Variants in WWOX observed in about 807,000 individuals in gnomAD.
WWOX encodes the protein WW domain-containing oxidoreductase.
Under a neutral mutation model 46.2 loss-of-function variants are expected in WWOX, and 69 were observed. The ratio of observed to expected loss-of-function variants is 1.49; its 90% CI spans 1.23 to 1.82. WWOX has a LOEUF of 1.82. Ranked by LOEUF, WWOX falls within the 40% of genes most tolerant of loss-of-function variation. The pLI, the probability that WWOX is intolerant of heterozygous loss-of-function variation, is 0.00. For synonymous variants in WWOX, 359 were observed against 202.6 expected (o/e 1.77, Z -6.56); for missense variants, 919 against 542.6 (o/e 1.69, Z -6.89).
chr16:78,645,333 C>T (rs2046814303), intron 8 of WWOX, among the ~76,000 whole-genome samples: 1 of 152,098 alleles, frequency 6.6e-6, no homozygotes, highest in Non-Finnish European at 1.5e-5. Flanking sequence ...CAAATGACCA[C>T]CCATGGGTGG....
chr16:79,116,628 A>G (rs1300093908), intron 8 of WWOX, among the ~76,000 whole-genome samples: 1 of 152,136 alleles, frequency 6.6e-6, no homozygotes, highest in Non-Finnish European at 1.5e-5. Context: ...TTCTCTTGCT[A>G]TTTCTACCAC....
At chr16:79,091,931 C>G (rs2048970166) in intron 8 of WWOX, among the ~76,000 whole-genome samples, 1 of 151,820 alleles carries the variant, frequency 6.6e-6, no homozygotes, top group African/African-American at 2.4e-5. Context: ...CAGGTGCATG[C>G]CACCACGCCC....
chr16:78,509,430 C>G (rs1227845097), intron 8 of WWOX, among the ~76,000 whole-genome samples: 2 of 112,150 alleles, frequency 1.8e-5, no homozygotes, highest in Non-Finnish European at 4.0e-5. Context: ...CAGAGCGAGA[C>G]TCAGTCTCAA....
chr16:78,701,670 C>G (rs2048221021), intron 8 of WWOX, among the ~76,000 whole-genome samples: 1 of 151,986 alleles, frequency 6.6e-6, no homozygotes, highest in Non-Finnish European at 1.5e-5. Flanking sequence ...AACCAAGAGT[C>G]TATGAGCTCG....
intron 6 of WWOX, among the ~76,000 whole-genome samples, chr16:78,419,232 T>C (rs1024837509): frequency 6.6e-6 from 1 of 152,158 alleles, no homozygotes; most frequent in African/African-American, 2.4e-5. Flanking sequence ...GTGTACAAAT[T>C]TAGTGCAATC....
intron 8 of WWOX, among the ~76,000 whole-genome samples, chr16:79,036,353 C>T (rs112716797): frequency 7.2e-5 from 11 of 152,348 alleles, no homozygotes; most frequent in African/African-American, 2.4e-4. Context: ...ATTCATTAGA[C>T]AGTACCCTTT....
At chr16:79,069,454 C>G (rs756102435) in intron 8 of WWOX, among the ~76,000 whole-genome samples, 11 of 151,972 alleles carry the variant, frequency 7.2e-5, no homozygotes, top group African/African-American at 2.4e-4. Flanking sequence ...CTTGTTCACA[C>G]GTTACTGTAG....
chr16:78,859,068 A>ATG (rs2052654678), intron 8 of WWOX, among the ~76,000 whole-genome samples: 1 of 125,438 alleles, frequency 8.0e-6, no homozygotes, highest in African/African-American at 3.0e-5. Context: ...ATATATATAT[A>ATG]TATATGAAAA....
chr16:78,167,139 C>T (rs2035000497), intron 5 of WWOX: 2 of 152,168 alleles, frequency 1.3e-5, no homozygotes, highest in African/African-American at 4.8e-5. Flanking sequence ...TTATCCTCTT[C>T]TTTTCTGAGA....
At chr16:78,822,031 C>A (rs1409681784) in intron 8 of WWOX, among the ~76,000 whole-genome samples, 1 of 152,154 alleles carries the variant, frequency 6.6e-6, no homozygotes, top group East Asian at 1.9e-4. Context: ...CATGCACCAC[C>A]ATGCCCAGCT....
intron 6 of WWOX, among the ~76,000 whole-genome samples, chr16:78,393,979 C>G (rs1269219644): frequency 6.6e-6 from 1 of 152,172 alleles, no homozygotes; most frequent in Non-Finnish European, 1.5e-5. Flanking sequence ...CTTGAATCTA[C>G]TAATCCCAGA....
intron 8 of WWOX, among the ~76,000 whole-genome samples, chr16:78,936,442 C>T (rs574779020): frequency 1.5e-4 from 23 of 152,274 alleles, no homozygotes; most frequent in Non-Finnish European, 2.9e-4. Flanking sequence ...GCTCTTTTCT[C>T]TGTAGGCTTA....
chr16:78,230,490 T>C (rs12918471), intron 5 of WWOX, among the ~76,000 whole-genome samples: 81,620 of 152,064 alleles, frequency 0.54, 22,326 homozygotes, highest in Admixed American at 0.67. Flanking sequence ...AAAAGTAAAC[T>C]AAAATTGCAT....
At chr16:78,173,503 G>T (rs1330137421) in intron 5 of WWOX, among the ~76,000 whole-genome samples, 1 of 146,044 alleles carries the variant, frequency 6.8e-6, no homozygotes, top group Non-Finnish European at 1.5e-5. Flanking sequence ...TCACCACGTT[G>T]CCCAGGCTAG....
intron 8 of WWOX, among the ~76,000 whole-genome samples, chr16:78,946,883 A>C (rs899120468): frequency 1.8e-4 from 28 of 152,266 alleles, no homozygotes; most frequent in African/African-American, 6.7e-4. Flanking sequence ...AGAGGACATC[A>C]CACGATGACC....
At chr16:78,125,409 A>G (rs2033318947) in intron 4 of WWOX, among the ~76,000 whole-genome samples, 1 of 152,120 alleles carries the variant, frequency 6.6e-6, no homozygotes, top group Non-Finnish European at 1.5e-5. Context: ...GCTCTTTCTA[A>G]GCAGCTCATT....
intron 5 of WWOX, among the ~76,000 whole-genome samples, chr16:78,221,425 A>T (rs2036885430): frequency 6.6e-6 from 1 of 152,208 alleles, no homozygotes. Context: ...TTAGTACGTT[A>T]CTTTAATTGT....
At chr16:78,165,810 T>C (rs2034952454) in intron 5 of WWOX, among the ~76,000 whole-genome samples, 1 of 152,256 alleles carries the variant, frequency 6.6e-6, no homozygotes, top group Non-Finnish European at 1.5e-5. Flanking sequence ...ATGAAATATT[T>C]GAAATTCAGT....
At chr16:78,720,364 C>T (rs1235701042) in intron 8 of WWOX, among the ~76,000 whole-genome samples, 6 of 152,026 alleles carry the variant, frequency 3.9e-5, no homozygotes, top group African/African-American at 1.4e-4. Flanking sequence ...TCTTTCTTTT[C>T]ACAAGAAATT....
Sources: allele counts gnomAD v4.1 joint callset (sites outside exome capture counted in the v4.1 genomes callset), GRCh38; gene constraint gnomAD v4.1.1; transcripts MANE v1.5; gene names NCBI Gene and HGNC (gene_info 2026-07-23, HGNC 2026-07-21).